Variants in MYO18B observed in about 807,000 individuals in gnomAD.
MYO18B encodes myosin XVIIIB, also known as unconventional myosin-XVIIIb.
MYO18B carries 204 observed loss-of-function variants against 273.0 expected under a neutral mutation model. That is an observed-to-expected ratio of 0.75 (90% CI 0.67 to 0.84). The LOEUF (loss-of-function observed/expected upper bound fraction) is 0.84, where lower values mean the gene tolerates loss of function less well. MYO18B is among the 40% of genes least tolerant of loss of function. The pLI, the probability that MYO18B is intolerant of heterozygous loss-of-function variation, is 0.00. For missense variants in MYO18B, 3,212 were observed against 3,287.6 expected, an observed-to-expected ratio of 0.98 and a Z score of 0.56; for synonymous variants, 1,330 against 1,305.7, an observed-to-expected ratio of 1.02 and a Z score of -0.40.
intron 31 of MYO18B, among the ~76,000 whole-genome samples, chr22:25,908,033 C>A (rs1162843146): frequency 8.5e-3 from 881 of 103,188 alleles, no homozygotes; most frequent in Admixed American, 0.011. Flanking sequence ...AACTCCATCT[C>A]AAAAAAAAAA....
Position 25,952,281 on chromosome 22 carries a change from T to C in MYO18B, c.5833-5T>C. 2 of 1,608,444 alleles carry C rather than the reference T, an allele frequency of 1.2e-6. No homozygotes were observed. The highest frequency in any genetic ancestry group is 1.7e-6 in the Non-Finnish European group (2 of 1,177,836). On this transcript the variant is annotated splice_region_variant and splice_polypyrimidine_tract_variant and intron_variant, in intron 37 of 43. Transcript: ENST00000335473. ...ATGTCCAATAGACTTCTCTCATACTTACAGCTGCAGGTGGCTCAGATGCGC... is the reference window on the plus strand; with the variant it reads ...ATGTCCAATAGACTTCTCTCATACTCACAGCTGCAGGTGGCTCAGATGCGC...
At chr22:25,774,773 C>G (rs2086852891) in intron 7 of MYO18B, among the ~76,000 whole-genome samples, 1 of 152,202 alleles carries the variant, frequency 6.6e-6, no homozygotes, top group African/African-American at 2.4e-5. Context: ...GGGGGACTCT[C>G]TCACTATGGG....
At chr22:25,891,777 A>G (rs1257937093) in intron 27 of MYO18B, among the ~76,000 whole-genome samples, 1 of 152,196 alleles carries the variant, frequency 6.6e-6, no homozygotes, top group Non-Finnish European at 1.5e-5. Context: ...CTATAATCCT[A>G]GCACTTTGGG....
rs746067610 is a variant in MYO18B at position 25,768,277 on chromosome 22, A to G, written c.361A>G (p.Thr121Ala). 2 of 1,613,988 alleles carry G rather than the reference A, an allele frequency of 1.2e-6. No individual in the cohort carries two copies. The highest frequency in any genetic ancestry group is 1.7e-6 in the Non-Finnish European group (2 of 1,179,888). Residue 121 changes from threonine (T) to alanine (A), a missense_variant, in exon 4 of 44, where the codon ACA becomes GCA. Coordinates refer to ENST00000335473, the MANE Select transcript of MYO18B (RefSeq NM_032608.7). ...GSRSPDPEQM[T>A]SINGEKAQEL... ...CCGCAGCCCCGACCCTGAGCAGATG[A>G]CAAGCATCAATGGTGAGAAGGCCCA...
Position 25,772,412 on chromosome 22 carries a change from C to A in MYO18B, c.1771C>A (p.Leu591Ile), listed in dbSNP as rs569836815. The change falls in exon 7 of 44, where the codon CTT (leucine) becomes ATT (isoleucine). Residue 591 changes from leucine (L) to isoleucine (I), a missense_variant. Leu to Ile is a conservative substitution (Grantham distance 5). Coordinates refer to ENST00000335473, the MANE Select transcript of MYO18B (RefSeq NM_032608.7). ...SVNESSVLNTLLQRYKAQLLH... is the reference protein window; with the variant it reads ...SVNESSVLNTILQRYKAQLLH... ...CAACGAATCCAGTGTCCTGAACACG[C>A]TTCTGCAGCGCTACAAAGCTCAGCT... The A allele has an allele frequency of 8.7e-6, 14 of 1,614,046 alleles. No homozygotes were observed. Among genetic ancestry groups the A allele is most frequent in the Non-Finnish European group, 1.1e-5 (13 of 1,179,896 alleles).
At chr22:25,846,066 A>G (rs1002699063) in intron 18 of MYO18B, 34 bp from the exon 19 acceptor site, 2 of 1,476,786 alleles carry the variant, frequency 1.4e-6, no homozygotes, top group Admixed American at 5.4e-5. Flanking sequence ...AGAACCTCCT[A>G]AAGCTCCTCT....
chr22:26,040,465 T>C, the MYO18B span, among the ~76,000 whole-genome samples: 1 of 151,990 alleles, frequency 6.6e-6, no homozygotes, highest in African/African-American at 2.4e-5. Context: ...TACATGATAG[T>C]TGGGGGTGGG....
chr22:25,826,807 C>G (rs917166612), intron 14 of MYO18B, among the ~76,000 whole-genome samples: 9 of 152,170 alleles, frequency 5.9e-5, no homozygotes, highest in African/African-American at 2.2e-4. Flanking sequence ...TGCCTGTAAT[C>G]CCAGTACTTT....
intron 18 of MYO18B, 29 bp from the exon 19 acceptor site, chr22:25,846,071 T>G (rs7286596): frequency 1.3e-6 from 2 of 1,485,494 alleles, no homozygotes; most frequent in African/African-American, 2.9e-5. Flanking sequence ...CTCCTAAAGC[T>G]CCTCTCTCTT....
rs112259215 is a variant in MYO18B at position 25,823,384 on chromosome 22, C to T, written c.2522-121C>T. On this transcript the variant is annotated intron_variant, in intron 12 of 43. Coordinates refer to ENST00000335473, the MANE Select transcript of MYO18B (RefSeq NM_032608.7). ...AGGCCTGGGCAGTTGTCCAAGCTCC[C>T]GGCTGAGGAGGCTGGCCTGGAGATT... is the stretch of plus-strand genomic sequence containing the variant. The T allele has an allele frequency of 6.2e-3, 7,007 of 1,123,660 alleles. 36 individuals carry two copies. The highest frequency in any genetic ancestry group is 7.6e-3 in the Non-Finnish European group (6,073 of 801,140). The allele number at this position is 1,123,660 out of a possible 1,614,324, so 69.6% of individuals were successfully genotyped here. A position where few individuals can be genotyped will look rare whatever the true frequency, so the allele number is the denominator to read the frequency against.
intron 22 of MYO18B, among the ~76,000 whole-genome samples, chr22:25,868,677 TCTCAGAAAGA>T (rs1483366349): frequency 6.6e-6 from 1 of 152,118 alleles, no homozygotes; most frequent in African/African-American, 2.4e-5. Flanking sequence ...ACCTTCTGAG[TCTCAGAAAGA>T]GCTGCCATAA....
intron 1 of MYO18B, among the ~76,000 whole-genome samples, chr22:25,745,472 G>GACACACACACACAC (rs3068433): frequency 3.8e-4 from 56 of 146,118 alleles, no homozygotes; most frequent in South Asian, 3.8e-3. Flanking sequence ...CTCTCTCTCT[G>GACACACACACACAC]ACACACACAC....
intron 39 of MYO18B, among the ~76,000 whole-genome samples, chr22:25,965,467 A>G (rs1376636830): frequency 6.6e-6 from 1 of 152,184 alleles, no homozygotes; most frequent in Non-Finnish European, 1.5e-5. Flanking sequence ...GTAAATGTTT[A>G]ACAACTGCCT....
At chr22:25,998,512 TGGAC>T (rs1933585113) in intron 40 of MYO18B, among the ~76,000 whole-genome samples, 1 of 152,218 alleles carries the variant, frequency 6.6e-6, no homozygotes, top group South Asian at 2.1e-4. Flanking sequence ...GAGTGTAAGT[TGGAC>T]ATTTTCCAAC....
At chr22:25,882,006 A>G (rs2091350214) in intron 25 of MYO18B, among the ~76,000 whole-genome samples, 1 of 151,794 alleles carries the variant, frequency 6.6e-6, no homozygotes, top group African/African-American at 2.4e-5. Context: ...CACCTGGTTA[A>G]TACCTCTTCA....
the MYO18B span, among the ~76,000 whole-genome samples, chr22:26,045,165 T>C: frequency 3.3e-5 from 5 of 152,114 alleles, no homozygotes; most frequent in East Asian, 7.8e-4. Flanking sequence ...CTGCTTGCTC[T>C]CTTGTGTCTC....
chr22:26,023,791 G>A (rs1936027084), intron 42 of MYO18B, among the ~76,000 whole-genome samples: 2 of 152,306 alleles, frequency 1.3e-5, no homozygotes, highest in South Asian at 4.1e-4. Flanking sequence ...ACTGCCCCTG[G>A]CAGCTCCAAG....
chr22:26,045,805 A>G, the MYO18B span, among the ~76,000 whole-genome samples: 69 of 152,364 alleles, frequency 4.5e-4, no homozygotes, highest in African/African-American at 1.6e-3. Context: ...CCCAGCGAAG[A>G]CCAGCAGAGC....
rs1210888281 is a variant in MYO18B, at chr22:25,946,241, C to T, written c.5622C>T (p.Asn1874=). Residue 1874 remains asparagine (N), a synonymous_variant, in exon 35 of 44, where the codon AAC becomes AAT. Coordinates refer to ENST00000335473, the MANE Select transcript of MYO18B (RefSeq NM_032608.7). The stretch of plus-strand genomic sequence containing the variant: ...GCGAGCTGGAGAACATGACGCGGAA[C>T]AAGAGCCTGGTACCTGTCCCTTCCT... The part of the protein sequence containing the change: ...MHSELENMTR[N]KSLVDEQLYR... The T allele has an allele frequency of 1.3e-6, 2 of 1,572,650 alleles. No homozygotes were observed. The highest frequency in any genetic ancestry group is 2.4e-5 in the South Asian group (2 of 84,982).
Sources: allele counts gnomAD v4.1 joint callset (sites outside exome capture counted in the v4.1 genomes callset), GRCh38; gene constraint gnomAD v4.1.1; transcripts MANE v1.5; gene names NCBI Gene and HGNC (gene_info 2026-07-23, HGNC 2026-07-21).